RNF170: variants seen among roughly 807,000 people sequenced by gnomAD.
RNF170 encodes the protein E3 ubiquitin-protein ligase RNF170.
In RNF170, 12 loss-of-function variants were observed where a neutral mutation model predicts 32.7. The ratio of observed to expected loss-of-function variants is 0.37; its 90% confidence interval spans 0.24 to 0.60. The LOEUF (loss-of-function observed/expected upper bound fraction) is 0.60, where lower values mean the gene tolerates loss of function less well. RNF170 is among the 20% of genes least tolerant of loss of function. The pLI, the probability that RNF170 is intolerant of heterozygous loss-of-function variation, is 0.72. For missense variants in RNF170, 212 were observed against 311.2 expected, an observed-to-expected ratio of 0.68 and a Z score of 2.40; for synonymous variants, 91 against 103.6, an observed-to-expected ratio of 0.88 and a Z score of 0.74.
chr8:42,873,577 C>G (rs963566398), intron 3 of RNF170, among the ~76,000 whole-genome samples: 3 of 152,024 alleles, frequency 2.0e-5, no homozygotes, highest in Admixed American at 6.6e-5. Context: ...AAACAGCCAC[C>G]TCTTCTAGTT....
intron 5 of RNF170, among the ~76,000 whole-genome samples, chr8:42,864,600 C>G (rs544328718): frequency 1.3e-5 from 2 of 151,970 alleles, no homozygotes; most frequent in African/African-American, 2.4e-5. Flanking sequence ...TTCAGTCTCA[C>G]GTTCATGCTT....
intron 2 of RNF170, among the ~76,000 whole-genome samples, chr8:42,878,755 A>G (rs778117328): frequency 6.6e-6 from 1 of 152,208 alleles, no homozygotes; most frequent in South Asian, 2.1e-4. Flanking sequence ...TTTCCCTTGC[A>G]AGAAGATGGC....
chr8:42,863,224 C>T (rs1803790142), intron 5 of RNF170, among the ~76,000 whole-genome samples: 1 of 152,106 alleles, frequency 6.6e-6, no homozygotes, highest in African/African-American at 2.4e-5. Context: ...TATATTAAGA[C>T]AACTTTATCT....
intron 2 of RNF170, chr8:42,881,256 C>A (rs1805377238): frequency 6.6e-6 from 1 of 152,234 alleles, no homozygotes; most frequent in African/African-American, 2.4e-5. Flanking sequence ...GCGGTGCGCA[C>A]CTGTAGTCCC....
In RNF170 at chr8:42,854,673, C is replaced by G; in HGVS notation, c.*1486G>C. On this transcript the variant is annotated 3_prime_UTR_variant, in exon 7 of 7. Transcript: ENST00000527424. ...ACAGATTTTCTCCTTATCTCCCAGT[C>G]TGCATATAGTGAAGCTCACTAATAA... is the stretch of plus-strand genomic sequence containing the variant. 2.3e-6 allele frequency: 3 copies of G among 1,287,270 alleles called. No homozygotes were observed. Among genetic ancestry groups the G allele is most frequent in the Non-Finnish European group, 3.0e-6 (3 of 988,674 alleles). 79.7% of individuals were successfully genotyped at this position (1,287,270 alleles called of 1,614,324 possible). A position where few individuals can be genotyped will look rare whatever the true frequency, so the allele number is the denominator to read the frequency against.
At chr8:42,850,676 G>A, downstream of RNF170, 1 of 1,160,752 alleles carries the variant, frequency 8.6e-7, no homozygotes, top group Non-Finnish European at 1.2e-6. Flanking sequence ...ATGCTGTGCT[G>A]AGATGTCTGA....
rs1284697600 is a variant in RNF170, at chr8:42,854,546, A to C, written c.*1613T>G. On this transcript the variant is annotated 3_prime_UTR_variant, in exon 7 of 7. Transcript: ENST00000527424. ...AGCATTATTGTTTTTCTCTATGACA[A>C]GCAACAGCTCTGTCCTAGGTCCAAA... The C allele has an allele frequency of 7.8e-7, 1 of 1,286,988 alleles. No individual in the cohort carries two copies. Among genetic ancestry groups the C allele is most frequent in the African/African-American group, 1.5e-5 (1 of 65,794 alleles). 79.7% of individuals were successfully genotyped at this position (1,286,988 alleles called of 1,614,324 possible). A position where few individuals can be genotyped will look rare whatever the true frequency, so the allele number is the denominator to read the frequency against.
chr8:42,876,144 G>C (rs1235290958), intron 2 of RNF170, among the ~76,000 whole-genome samples: 2 of 151,792 alleles, frequency 1.3e-5, no homozygotes, highest in African/African-American at 4.8e-5. Context: ...CACGTGACTG[G>C]AAAGCCTCTC....
chr8:42,897,091 T>TCTGGC (rs1471871351), upstream of RNF170: 4 of 1,236,432 alleles, frequency 3.2e-6, no homozygotes, highest in African/African-American at 6.3e-5. Flanking sequence ...GGCGGCGGTG[T>TCTGGC]CTGGCCAGGC....
At chr8:42,895,039 C>A (rs1243488872) in intron 1 of RNF170, among the ~76,000 whole-genome samples, 1 of 152,002 alleles carries the variant, frequency 6.6e-6, no homozygotes, top group East Asian at 1.9e-4. Flanking sequence ...CTGACCCAGG[C>A]TCGGTGGCTC....
chr8:42,874,183 T>A (rs1304463040), intron 2 of RNF170, among the ~76,000 whole-genome samples, 177 bp from the exon 3 acceptor site: 1 of 152,208 alleles, frequency 6.6e-6, no homozygotes, highest in South Asian at 2.1e-4. Context: ...TCTTCTGAGA[T>A]CACTGATCAT....
rs537614599 is a variant in RNF170 at position 42,869,983 on chromosome 8, A to T, written c.322+21T>A. The stretch of plus-strand genomic sequence containing the variant: ...TTGGTCTACACAGTCACTTTTCCCA[A>T]GTATAGCGTTGTTTGCTTACCACAA... On this transcript the variant is annotated intron_variant, in intron 4 of 6. Transcript: ENST00000527424. 4 of 1,558,366 alleles carry T rather than the reference A, an allele frequency of 2.6e-6. No individual in the cohort carries two copies. The African/African-American group carries it at 5.4e-5, about 21-fold the overall frequency.
At chr8:42,894,842 C>A (rs1276222146) in intron 1 of RNF170, among the ~76,000 whole-genome samples, 3 of 152,170 alleles carry the variant, frequency 2.0e-5, no homozygotes, top group Non-Finnish European at 4.4e-5. Flanking sequence ...GCGCGAGACA[C>A]CGCGCCTGGC....
chr8:42,865,258 T>A (rs909515865), intron 5 of RNF170, among the ~76,000 whole-genome samples, 158 bp downstream of exon 5: 13 of 149,298 alleles, frequency 8.7e-5, no homozygotes, highest in East Asian at 3.9e-4. Flanking sequence ...TAAAAAAAAA[T>A]AAAAATAATA....
rs754990087 is a variant in RNF170 at position 42,856,330 on chromosome 8, T to A, written c.606A>T (p.Ile202=). 27 of 1,591,668 alleles carry A rather than the reference T, an allele frequency of 1.7e-5. No individual in the cohort carries two copies. In the Admixed American group the frequency reaches 4.9e-4, roughly 29 times the overall value. ...GGLFWMFRIR[I]ILCLMGAFFY... ...AAAAAGCTCCCATTAAACAAAGTAT[T>A]ATCCTGATGCGAAACATCCAGAAAA... Residue 202 remains isoleucine, a synonymous_variant, in exon 7 of 7, where the codon ATA becomes ATT. Coordinates refer to ENST00000527424, the MANE Select transcript of RNF170 (RefSeq NM_030954.4).
intron 1 of RNF170, among the ~76,000 whole-genome samples, chr8:42,888,353 T>C (rs1806007461): frequency 6.6e-6 from 1 of 151,542 alleles, no homozygotes; most frequent in Non-Finnish European, 1.5e-5. Flanking sequence ...CATGAGCCAC[T>C]GCACCCAGCC....
At chr8:42,856,521 A>G in intron 6 of RNF170, 93 bp from the exon 7 acceptor site, 1 of 910,586 alleles carries the variant, frequency 1.1e-6, no homozygotes. Context: ...AACATTGTTA[A>G]GATGAATTAA....
intron 5 of RNF170, among the ~76,000 whole-genome samples, chr8:42,862,490 C>G (rs960440935): frequency 2.6e-5 from 4 of 152,092 alleles, no homozygotes; most frequent in African/African-American, 9.7e-5. Context: ...GGTGACAGTA[C>G]CTTGAAAAAT....
At chr8:42,878,556 G>C (rs1805138134) in intron 2 of RNF170, among the ~76,000 whole-genome samples, 1 of 152,192 alleles carries the variant, frequency 6.6e-6, no homozygotes, top group Non-Finnish European at 1.5e-5. Context: ...AGGAGAGGAA[G>C]CTACAGAAGA....
Sources: gnomAD v4.1 joint callset for allele counts (sites outside exome capture counted in the v4.1 genomes callset) on GRCh38, gnomAD v4.1.1 for gene constraint, MANE v1.5 for transcripts, NCBI Gene and HGNC (gene_info 2026-07-23, HGNC 2026-07-21) for gene names.